The following FAM171A1 variants were observed in gnomAD, a reference collection of about 807,000 sequenced individuals.
FAM171A1 encodes the protein protein FAM171A1.
A neutral mutation model predicts 74.9 loss-of-function variants in FAM171A1; 23 were observed. The ratio of observed to expected loss-of-function variants is 0.31; its 90% CI spans 0.22 to 0.44. The LOEUF is 0.44. Among genes scored for constraint, FAM171A1 ranks in the 20% least tolerant of loss-of-function variants. FAM171A1 has a pLI of 1.00. For synonymous variants in FAM171A1, 527 were observed against 505.7 expected, an observed-to-expected ratio of 1.04 and a Z score of -0.57; for missense variants, 1,162 against 1,159.2, an observed-to-expected ratio of 1.00 and a Z score of -0.03.
chr10:15,265,935 A>G (rs1292460490), intron 3 of FAM171A1, among the ~76,000 whole-genome samples: 2 of 152,172 alleles, frequency 1.3e-5, no homozygotes, highest in African/African-American at 4.8e-5. Flanking sequence ...AAGGGAGGTG[A>G]GGACCTGTGG....
At chr10:15,265,413 G>C (rs1412708924) in intron 3 of FAM171A1, among the ~76,000 whole-genome samples, 1 of 151,714 alleles carries the variant, frequency 6.6e-6, no homozygotes, top group Non-Finnish European at 1.5e-5. Flanking sequence ...AGGAGTTTGA[G>C]ACGAGCCTGG....
In FAM171A1 at chr10:15,275,928, A is replaced by G. The variant is rs1425159666; in HGVS notation, c.345T>C (p.Leu115=). ...IRLPVFSSLS[L]GLLPERSATL... Reference sequence around the variant, plus strand: ...TGGCAGAGCGTTCTGGAAGCAGGCCAAGGCTCAGAGAGGAAAATACTGCAG... The same window carrying G: ...TGGCAGAGCGTTCTGGAAGCAGGCCGAGGCTCAGAGAGGAAAATACTGCAG... The change falls in exon 3 of 8, where the codon CTT becomes CTC. Residue 115 remains leucine (L), a synonymous_variant. Transcript: ENST00000378116. The G allele has an allele frequency of 1.9e-6, 3 of 1,612,380 alleles. No homozygotes were observed. Among genetic ancestry groups the G allele is most frequent in the Non-Finnish European group, 1.7e-6 (2 of 1,178,868 alleles).
At chr10:15,233,758 T>C (rs1318088935) in intron 5 of FAM171A1, among the ~76,000 whole-genome samples, 1 of 151,948 alleles carries the variant, frequency 6.6e-6, no homozygotes, top group East Asian at 1.9e-4. Context: ...AAAAAGTAGC[T>C]GGGCATGGTG....
In FAM171A1 at chr10:15,348,475, A is replaced by G. The variant is rs148103000; in HGVS notation, c.97+22481T>C. ...TCTTAAATTGAGATGTTAAAAGTCTAAGGGAAAAGGAGTGGCTTGTTTACC... is the reference window on the plus strand; with the variant it reads ...TCTTAAATTGAGATGTTAAAAGTCTGAGGGAAAAGGAGTGGCTTGTTTACC... On this transcript the variant is annotated intron_variant, in intron 1 of 7. Transcript: ENST00000378116. 3.7e-3 allele frequency among the ~76,000 whole-genome samples: 558 copies of G among 152,304 alleles called. 7 individuals are homozygous for G. The highest frequency in any genetic ancestry group is 0.012 in the African/African-American group (518 of 41,580).
intron 5 of FAM171A1, among the ~76,000 whole-genome samples, chr10:15,229,205 T>A (rs569472361): frequency 6.6e-6 from 1 of 152,152 alleles, no homozygotes; most frequent in African/African-American, 2.4e-5. Flanking sequence ...GGGGGCAAGG[T>A]CACTTGTGCT....
intron 1 of FAM171A1, among the ~76,000 whole-genome samples, chr10:15,322,534 C>G (rs1457379599): frequency 6.6e-6 from 1 of 152,186 alleles, no homozygotes; most frequent in African/African-American, 2.4e-5. Context: ...CAAAAGGACA[C>G]TGCATGCATT....
At chr10:15,357,455 C>T (rs2131885912) in intron 1 of FAM171A1, among the ~76,000 whole-genome samples, 1 of 152,148 alleles carries the variant, frequency 6.6e-6, no homozygotes, top group South Asian at 2.1e-4. Flanking sequence ...AGTGGTTGCC[C>T]TGAAGAGTAG....
chr10:15,224,423 T>C (rs1328048237), intron 5 of FAM171A1, among the ~76,000 whole-genome samples: 1 of 152,150 alleles, frequency 6.6e-6, no homozygotes, highest in Non-Finnish European at 1.5e-5. Context: ...ATGGGGGACC[T>C]GGAAACGGAG....
At chr10:15,215,822 G>C (rs2131704089) in intron 7 of FAM171A1, among the ~76,000 whole-genome samples, 174 bp downstream of exon 7, 1 of 151,938 alleles carries the variant, frequency 6.6e-6, no homozygotes, top group South Asian at 2.1e-4. Flanking sequence ...CATACTATTT[G>C]TTAAGTTGCA....
At chr10:15,259,450 C>CA (rs898189029) in intron 3 of FAM171A1, among the ~76,000 whole-genome samples, 135 of 151,586 alleles carry the variant, frequency 8.9e-4, no homozygotes, top group African/African-American at 6.5e-4. Flanking sequence ...ACAATGATGA[C>CA]AAAAAAAACA....
At chr10:15,293,750 C>G (rs746462088) in intron 1 of FAM171A1, among the ~76,000 whole-genome samples, 2 of 152,146 alleles carry the variant, frequency 1.3e-5, no homozygotes, top group Non-Finnish European at 2.9e-5. Flanking sequence ...TGCATGCAAA[C>G]TGGCCCTGAT....
upstream of FAM171A1, among the ~76,000 whole-genome samples, chr10:15,372,717 A>T (rs543399036): frequency 6.6e-6 from 1 of 151,564 alleles, no homozygotes; most frequent in African/African-American, 2.4e-5. Context: ...AAAAAAAAAA[A>T]AATCAAAAAA....
chr10:15,240,139 T>C (rs981215398), intron 5 of FAM171A1, among the ~76,000 whole-genome samples: 2 of 152,198 alleles, frequency 1.3e-5, no homozygotes, highest in African/African-American at 2.4e-5. Flanking sequence ...CAGAGGCGGA[T>C]CACTTGAGGT....
chr10:15,277,517 C>T (rs1001271949), intron 2 of FAM171A1, among the ~76,000 whole-genome samples: 11 of 152,174 alleles, frequency 7.2e-5, no homozygotes, highest in Admixed American at 1.3e-4. Context: ...AGCCAACGTA[C>T]CTGGCATCTG....
In FAM171A1 at chr10:15,214,024, C is replaced by CG; in HGVS notation, c.1563dup (p.Ala522ArgfsTer6). On this transcript the variant is annotated frameshift_variant, in exon 8 of 8. Transcript: ENST00000378116. LOFTEE classifies it high-confidence loss of function. Reference sequence around the variant, plus strand: ...TGTTCTTTCTCAGGTGATGAAGGCGCGGGGTACAGATGTTCCTGAATGGTG... The same window carrying CG: ...TGTTCTTTCTCAGGTGATGAAGGCGCGGGGGTACAGATGTTCCTGAATGGTG... 6.2e-7 allele frequency: 1 copy of CG among 1,614,130 alleles called. No homozygotes were observed. Among genetic ancestry groups the CG allele is most frequent in the Non-Finnish European group, 8.5e-7 (1 of 1,180,018 alleles).
intron 1 of FAM171A1, among the ~76,000 whole-genome samples, chr10:15,318,895 T>C (rs1398288277): frequency 1.3e-5 from 2 of 152,166 alleles, no homozygotes; most frequent in Non-Finnish European, 1.5e-5. Context: ...TCCTGATCCT[T>C]AGAGTCACAA....
chr10:15,270,518 T>G (rs1457933646), intron 3 of FAM171A1, among the ~76,000 whole-genome samples: 1 of 152,178 alleles, frequency 6.6e-6, no homozygotes, highest in Non-Finnish European at 1.5e-5. Context: ...TTGACAGCTC[T>G]GAACAGAGTA....
rs1020079523 is a variant in FAM171A1 at position 15,253,294 on chromosome 10, G to A, written c.577+1427C>T. Among the ~76,000 whole-genome samples, 4 of 152,036 alleles carry A rather than the reference G, an allele frequency of 2.6e-5. No individual in the cohort carries two copies. In the East Asian group the frequency reaches 5.8e-4, roughly 22 times the overall value. On this transcript the variant is annotated intron_variant, in intron 4 of 7. Transcript: ENST00000378116. Reference sequence around the variant, plus strand: ...GCTGGGATTACAGGCATGAGCCACCGCACCCAGCCTTAAACCACTTCTTCA... The same window carrying A: ...GCTGGGATTACAGGCATGAGCCACCACACCCAGCCTTAAACCACTTCTTCA...
At chr10:15,236,159 T>C (rs1386772827) in intron 5 of FAM171A1, among the ~76,000 whole-genome samples, 1 of 152,090 alleles carries the variant, frequency 6.6e-6, no homozygotes, top group African/African-American at 2.4e-5. Flanking sequence ...TGGTCAGGTA[T>C]GGGCCCCGAC....
Sources: allele counts gnomAD v4.1 joint callset (sites outside exome capture counted in the v4.1 genomes callset), GRCh38; gene constraint gnomAD v4.1.1; transcripts MANE v1.5; gene names NCBI Gene and HGNC (gene_info 2026-07-23, HGNC 2026-07-21).